LRRTM4: variants seen among roughly 807,000 people sequenced by gnomAD.
The protein encoded by LRRTM4 is leucine-rich repeat transmembrane neuronal protein 4.
Under a neutral mutation model 47.6 loss-of-function variants are expected in LRRTM4, and 25 were observed. The ratio of observed to expected loss-of-function variants is 0.53; its 90% CI spans 0.38 to 0.73. The LOEUF is 0.73. LRRTM4 is among the 30% of genes least tolerant of loss of function. LRRTM4 has a pLI of 0.00. For synonymous variants in LRRTM4, 311 were observed against 269.5 expected, an observed-to-expected ratio of 1.15 and a Z score of -1.51; for missense variants, 638 against 713.4, an observed-to-expected ratio of 0.89 and a Z score of 1.20.
At chr2:76,932,055 T>C (rs1189507348) in intron 3 of LRRTM4, among the ~76,000 whole-genome samples, 1 of 152,154 alleles carries the variant, frequency 6.6e-6, no homozygotes, top group Non-Finnish European at 1.5e-5. Context: ...AACTACTGTG[T>C]TTCTCCCATC....
At position 77,271,857 on chromosome 2, in the gene LRRTM4, C is replaced by T. The variant is rs567051072; in HGVS notation, c.1551+246461G>A. Among the ~76,000 whole-genome samples the T allele has an allele frequency of 7.4e-4, 113 of 152,256 alleles. No individual in the cohort carries two copies. In the Middle Eastern group the frequency reaches 0.01, roughly 14 times the overall value. On this transcript the variant is annotated intron_variant, in intron 3 of 3. Transcript: ENST00000409884. Reference sequence around the variant, plus strand: ...CATTCTTATTTCCTACGAAAATATGCCTCCACCCACCATGTGTCATGCGTA... The same window carrying T: ...CATTCTTATTTCCTACGAAAATATGTCTCCACCCACCATGTGTCATGCGTA...
At chr2:77,520,746 C>G (rs1214065695) in intron 2 of LRRTM4, among the ~76,000 whole-genome samples, 3 of 152,072 alleles carry the variant, frequency 2.0e-5, no homozygotes. Flanking sequence ...TCACCCTGAT[C>G]TCTTCACATT....
chr2:77,362,619 T>C (rs1672285196), intron 3 of LRRTM4, among the ~76,000 whole-genome samples: 1 of 152,178 alleles, frequency 6.6e-6, no homozygotes, highest in Non-Finnish European at 1.5e-5. Flanking sequence ...TGGGGACTGG[T>C]CCGATTCGTC....
chr2:76,850,862 G>C (rs188186678), intron 3 of LRRTM4, among the ~76,000 whole-genome samples: 4 of 152,314 alleles, frequency 2.6e-5, no homozygotes, highest in Admixed American at 2.0e-4. Flanking sequence ...AAAAACTAGA[G>C]AAAGTTAGAA....
chr2:77,449,580 C>T (rs527371784), intron 3 of LRRTM4, among the ~76,000 whole-genome samples: 1 of 152,100 alleles, frequency 6.6e-6, no homozygotes, highest in Non-Finnish European at 1.5e-5. Flanking sequence ...TACTAAGGTT[C>T]AATCATGTGA....
chr2:77,105,624 C>T (rs1045959970), intron 3 of LRRTM4, among the ~76,000 whole-genome samples: 77 of 151,996 alleles, frequency 5.1e-4, no homozygotes, highest in African/African-American at 1.4e-3. Context: ...CTAACCTGCA[C>T]GTTGTGCACA....
chr2:76,951,959 G>T (rs538155969), intron 3 of LRRTM4, among the ~76,000 whole-genome samples: 1 of 151,944 alleles, frequency 6.6e-6, no homozygotes, highest in South Asian at 2.1e-4. Flanking sequence ...AAGGACATGA[G>T]ATCATTTTTT....
chr2:76,807,476 A>G (rs111512293), intron 3 of LRRTM4, among the ~76,000 whole-genome samples: 2 of 136,994 alleles, frequency 1.5e-5, no homozygotes, highest in Admixed American at 7.3e-5. Context: ...ATATACATAT[A>G]TATATATATA....
At chr2:77,023,390 T>G (rs531657620) in intron 3 of LRRTM4, among the ~76,000 whole-genome samples, 2 of 152,310 alleles carry the variant, frequency 1.3e-5, no homozygotes, top group African/African-American at 4.8e-5. Flanking sequence ...TTCAGCACTG[T>G]GTCACTTATG....
At chr2:77,288,962 C>T (rs79714277) in intron 3 of LRRTM4, among the ~76,000 whole-genome samples, 3,034 of 152,082 alleles carry the variant, frequency 0.02, 100 homozygotes, top group African/African-American at 0.069. Context: ...GCACCTCTCA[C>T]CTACATAGTG....
chr2:77,050,383 T>G (rs1679390790), intron 3 of LRRTM4, among the ~76,000 whole-genome samples: 2 of 152,148 alleles, frequency 1.3e-5, no homozygotes, highest in African/African-American at 4.8e-5. Flanking sequence ...TGTAGGGGGT[T>G]TTGTTTGTTT....
rs1558706320 is a variant in LRRTM4 at position 77,360,537 on chromosome 2, A to ATACGATACGATACG, written c.1551+157780_1551+157781insCGTATCGTATCGTA. Among the ~76,000 whole-genome samples, 9 of 119,818 alleles carry ATACGATACGATACG rather than the reference A, an allele frequency of 7.5e-5. No individual in the cohort carries two copies. In the East Asian group the frequency reaches 1.1e-3, roughly 14 times the overall value. The allele number at this position is 119,818 out of a possible 152,430, so 78.6% of individuals were successfully genotyped here. ...GATACGATACGATACGATACGATAC[A>ATACGATACGATACG]ATACAATCATTCATACATACATACA... On this transcript the variant is annotated intron_variant, in intron 3 of 3. Transcript: ENST00000409884.
intron 3 of LRRTM4, among the ~76,000 whole-genome samples, chr2:76,888,833 C>T (rs1442596688): frequency 6.6e-6 from 1 of 151,756 alleles, no homozygotes; most frequent in East Asian, 1.9e-4. Context: ...TTTTTATGAA[C>T]TGTTAATTAA....
At chr2:77,088,779 T>G (rs1680818650) in intron 3 of LRRTM4, among the ~76,000 whole-genome samples, 1 of 152,128 alleles carries the variant, frequency 6.6e-6, no homozygotes, top group African/African-American at 2.4e-5. Context: ...CCTCAGGTCC[T>G]CAGACCCACC....
chr2:76,984,325 AT>A (rs1030001225), intron 3 of LRRTM4, among the ~76,000 whole-genome samples: 3 of 151,928 alleles, frequency 2.0e-5, no homozygotes, highest in Non-Finnish European at 4.4e-5. Context: ...ATGTTTCAAT[AT>A]TTTTTAAATG....
At chr2:77,432,360 A>G (rs112889228) in intron 3 of LRRTM4, among the ~76,000 whole-genome samples, 2 of 152,202 alleles carry the variant, frequency 1.3e-5, no homozygotes, top group African/African-American at 2.4e-5. Context: ...AGCTTTCAAC[A>G]TATTAATTTA....
intron 3 of LRRTM4, among the ~76,000 whole-genome samples, chr2:77,077,161 CTA>C (rs1211517505): frequency 3.9e-5 from 6 of 152,134 alleles, no homozygotes; most frequent in Admixed American, 1.3e-4. Flanking sequence ...TAAAGGATAA[CTA>C]TATTGATTAA....
chr2:77,159,093 C>T (rs924574450), intron 3 of LRRTM4, among the ~76,000 whole-genome samples: 9 of 152,130 alleles, frequency 5.9e-5, no homozygotes, highest in South Asian at 2.1e-4. Flanking sequence ...CTACATGAAC[C>T]GTTCATCTTT....
At chr2:77,133,165 TTTTA>T (rs1671848102) in intron 3 of LRRTM4, among the ~76,000 whole-genome samples, 1 of 152,166 alleles carries the variant, frequency 6.6e-6, no homozygotes, top group South Asian at 2.1e-4. Flanking sequence ...CTTTGTTGAG[TTTTA>T]TTTGTTTAGA....
Sources: allele counts gnomAD v4.1 joint callset (sites outside exome capture counted in the v4.1 genomes callset), GRCh38; gene constraint gnomAD v4.1.1; transcripts MANE v1.5; gene names NCBI Gene and HGNC (gene_info 2026-07-23, HGNC 2026-07-21).